Variants in ELMO2 observed in about 807,000 individuals in gnomAD.
ELMO2 encodes the protein engulfment and cell motility 2.
A neutral mutation model predicts 96.2 loss-of-function variants in ELMO2; 37 were observed. That is an observed-to-expected ratio of 0.38 (90% CI 0.30 to 0.51). The LOEUF is 0.51. Among genes scored for constraint, ELMO2 ranks in the 20% least tolerant of loss-of-function variants. The pLI is 0.88. For missense variants in ELMO2, 561 were observed against 912.6 expected, an observed-to-expected ratio of 0.61 and a Z score of 4.96; for synonymous variants, 315 against 329.4, an observed-to-expected ratio of 0.96 and a Z score of 0.47.
intron 1 of ELMO2, among the ~76,000 whole-genome samples, chr20:46,399,871 AGTTT>A (rs2060307285): frequency 6.6e-6 from 1 of 152,204 alleles, no homozygotes; most frequent in African/African-American, 2.4e-5. Context: ...ATTGTTTAAC[AGTTT>A]GTTTTGGCTG....
chr20:46,404,035 G>T (rs2060380973), intron 1 of ELMO2, among the ~76,000 whole-genome samples: 1 of 152,094 alleles, frequency 6.6e-6, no homozygotes, highest in South Asian at 2.1e-4. Flanking sequence ...AGTTAGCCGA[G>T]ATGGCACCAT....
In ELMO2 at chr20:46,375,065, A is replaced by T. The variant is rs1270438656; in HGVS notation, c.1065+171T>A. Among the ~76,000 whole-genome samples the T allele has an allele frequency of 6.6e-6, 1 of 152,104 alleles. No homozygotes were observed. Among genetic ancestry groups the T allele is most frequent in the Non-Finnish European group, 1.5e-5 (1 of 68,014 alleles). The stretch of plus-strand genomic sequence containing the variant: ...AGGGCCAAACTTTGCACATAAACTC[A>T]CAGACTCACCATCAACAAAGCAAAG... On this transcript the variant is annotated intron_variant, in intron 13 of 21. Coordinates refer to ENST00000290246, the MANE Select transcript of ELMO2 (RefSeq NM_133171.5). The surrounding 1 kb of genome is among the most constrained non-coding windows in gnomAD (Gnocchi z 4.6).
chr20:46,367,594 G>A (rs781189378), intron 21 of ELMO2, 34 bp from the exon 22 acceptor site: 50 of 1,561,734 alleles, frequency 3.2e-5, no homozygotes, highest in Admixed American at 3.7e-5. Flanking sequence ...GTCACATCGT[G>A]ACCCCTGGTC....
Position 46,371,343 on chromosome 20 carries a change from T to G in ELMO2, c.1801+9A>C. The G allele has an allele frequency of 6.2e-7, 1 of 1,613,110 alleles. No homozygotes were observed. Among genetic ancestry groups the G allele is most frequent in the South Asian group, 1.1e-5 (1 of 90,890 alleles). ...CAACCATGACACATCAACAGAGAAA[T>G]GAACCTACTTTTCTCCTGCAGGGAT... On this transcript the variant is annotated intron_variant, in intron 19 of 21. Transcript: ENST00000290246. This position sits in a 1 kb window ranked among gnomAD's most constrained non-coding sequence, Gnocchi z 5.9.
At chr20:46,405,766 C>T (rs910505478) in intron 1 of ELMO2, among the ~76,000 whole-genome samples, 3 of 152,200 alleles carry the variant, frequency 2.0e-5, no homozygotes, top group African/African-American at 7.2e-5. Context: ...CGCCCGTAAT[C>T]CCAGCTACTT....
At chr20:46,387,557 T>C (rs2060069401) in intron 7 of ELMO2, 120 bp from the exon 8 acceptor site, 3 of 676,358 alleles carry the variant, frequency 4.4e-6, no homozygotes, top group East Asian at 3.0e-5. Flanking sequence ...AATCAGTCGA[T>C]GCAACTGTAA....
intron 21 of ELMO2, among the ~76,000 whole-genome samples, chr20:46,368,288 C>A (rs1410091876): frequency 1.3e-5 from 2 of 152,068 alleles, no homozygotes; most frequent in East Asian, 3.9e-4. Context: ...CACATAGGGT[C>A]TCAAATGCAA....
chr20:46,393,256 A>C lies in ELMO2; in HGVS notation c.193-113T>G, dbSNP rs925133516. The C allele has an allele frequency of 8.1e-6, 9 of 1,108,336 alleles. No homozygotes were observed. The African/African-American group carries it at 1.2e-4, about 15-fold the overall frequency. 68.7% of individuals were successfully genotyped at this position (1,108,336 alleles called of 1,614,324 possible). A position where few individuals can be genotyped will look rare whatever the true frequency, so the allele number is the denominator to read the frequency against. ...TTTTTTACAGTAGATGTAACTGAGGATCTTCAGTCGGGCCCTCTTCTCCTG... is the reference window on the plus strand; with the variant it reads ...TTTTTTACAGTAGATGTAACTGAGGCTCTTCAGTCGGGCCCTCTTCTCCTG... On this transcript the variant is annotated intron_variant, in intron 5 of 21. Transcript: ENST00000290246.
Position 46,374,098 on chromosome 20 carries a change from GTTTTTTTTTTTTTT to G in ELMO2, c.1279+220_1279+233del, listed in dbSNP as rs60843274. 5.1e-4 allele frequency among the ~76,000 whole-genome samples: 32 copies of G among 63,050 alleles called. No homozygotes were observed. In the South Asian group the frequency reaches 6.4e-3, roughly 13 times the overall value. 41.4% of individuals were successfully genotyped at this position (63,050 alleles called of 152,430 possible). A position where few individuals can be genotyped will look rare whatever the true frequency, so the allele number is the denominator to read the frequency against. On this transcript the variant is annotated intron_variant, in intron 15 of 21. Coordinates refer to ENST00000290246, the MANE Select transcript of ELMO2 (RefSeq NM_133171.5). ...TGCACTACCAGTTGGCTAATTTTTG[GTTTTTTTTTTTTTT>G]TTTTTTTTTTTTAGAGATGGGGTCT...
chr20:46,387,628 GCTGC>G, intron 7 of ELMO2, 191 bp from the exon 8 acceptor site: 2 of 134,232 alleles, frequency 1.5e-5, no homozygotes, highest in East Asian at 1.8e-4. Flanking sequence ...GGTATCTATC[GCTGC>G]AAAAAAAAAA....
At chr20:46,399,174 C>T (rs2060296229) in intron 1 of ELMO2, among the ~76,000 whole-genome samples, 1 of 152,126 alleles carries the variant, frequency 6.6e-6, no homozygotes, top group Non-Finnish European at 1.5e-5. Context: ...GCACCTGACC[C>T]GCAGCAGGTG....
chr20:46,406,346 CCTAAGGCCCCG>C lies in ELMO2; in HGVS notation c.-126+191_-126+201del, dbSNP rs1475269587. On this transcript the variant is annotated intron_variant, in intron 1 of 21. Transcript: ENST00000290246. ...TCCAGGACCCGGTCTCTCCTCCCTT[CCTAAGGCCCCG>C]GCAGGGCCGCCACCCCTCGGGGGCC... Among the ~76,000 whole-genome samples, 3 of 152,298 alleles carry C rather than the reference CCTAAGGCCCCG, an allele frequency of 2.0e-5. No homozygotes were observed. The East Asian group carries it at 5.8e-4, about 29-fold the overall frequency.
chr20:46,398,071 C>T (rs1438460016), intron 2 of ELMO2, among the ~76,000 whole-genome samples: 4 of 152,154 alleles, frequency 2.6e-5, no homozygotes, highest in African/African-American at 9.7e-5. Flanking sequence ...ACCACAGCTG[C>T]CCCCAAGCTC....
chr20:46,387,491 A>AC, intron 7 of ELMO2, 54 bp from the exon 8 acceptor site: 1 of 1,485,110 alleles, frequency 6.7e-7, no homozygotes, highest in Non-Finnish European at 9.4e-7. Flanking sequence ...ATCGGGAAAC[A>AC]CAGGTGTGAG....
At chr20:46,405,935 G>A (rs1274513874) in intron 1 of ELMO2, among the ~76,000 whole-genome samples, 1 of 152,198 alleles carries the variant, frequency 6.6e-6, no homozygotes, top group South Asian at 2.1e-4. Flanking sequence ...GTGCAAGGCC[G>A]ACAGGAGAAG....
rs184892327 is a variant in ELMO2 at position 46,400,624 on chromosome 20, T to C, written c.-125-1853A>G. 1.2e-4 allele frequency among the ~76,000 whole-genome samples: 18 copies of C among 152,310 alleles called. No homozygotes were observed. The East Asian group carries it at 3.5e-3, about 29-fold the overall frequency. On this transcript the variant is annotated intron_variant, in intron 1 of 21. Transcript: ENST00000290246. Reference sequence around the variant, plus strand: ...CACTCCTCTTTAAGCATTACAGATATAAGGATGATTTGGAAAACTCAAAAT... The same window carrying C: ...CACTCCTCTTTAAGCATTACAGATACAAGGATGATTTGGAAAACTCAAAAT...
At position 46,394,447 on chromosome 20, in the gene ELMO2, A is replaced by G. The variant is rs2060210075; in HGVS notation, c.36T>C (p.Ile12=). 6.2e-7 allele frequency: 1 copy of G among 1,614,062 alleles called. No homozygotes were observed. The highest frequency in any genetic ancestry group is 8.5e-7 in the Non-Finnish European group (1 of 1,180,038). Residue 12 remains isoleucine (I), a synonymous_variant, in exon 3 of 22, where the codon ATT becomes ATC. Coordinates refer to ENST00000290246, the MANE Select transcript of ELMO2 (RefSeq NM_133171.5). ...GCTGGGCGTTAGCACCTGGCCACTC[A>G]ATGGCCACTTTGACAATGTCTGACG... is the stretch of plus-strand genomic sequence containing the variant. ...PPPSDIVKVA[I]EWPGANAQLL...
chr20:46,366,470 AG>A lies in ELMO2; in HGVS notation c.*889del, dbSNP rs1008498523. 3 of 152,740 alleles carry A rather than the reference AG, an allele frequency of 2.0e-5. No homozygotes were observed. Among genetic ancestry groups the A allele is most frequent in the African/African-American group, 7.2e-5 (3 of 41,466 alleles). 9.5% of individuals were successfully genotyped at this position (152,740 alleles called of 1,614,324 possible). On this transcript the variant is annotated 3_prime_UTR_variant, in exon 22 of 22. Transcript: ENST00000290246. Reference sequence around the variant, plus strand: ...GGCCAATGGCAGAAACCATAGCACTAGGAAGGGAAGGCCAACTTCCTGGGGT... The same window carrying A: ...GGCCAATGGCAGAAACCATAGCACTAGAAGGGAAGGCCAACTTCCTGGGGT...
At chr20:46,379,639 C>T (rs1168739658) in intron 11 of ELMO2, among the ~76,000 whole-genome samples, 1 of 152,178 alleles carries the variant, frequency 6.6e-6, no homozygotes, top group Non-Finnish European at 1.5e-5. Flanking sequence ...TCACACACTC[C>T]TTCTGGGTTC....
Sources: allele counts gnomAD v4.1 joint callset (sites outside exome capture counted in the v4.1 genomes callset), GRCh38; gene constraint gnomAD v4.1.1; non-coding constraint Gnocchi (gnomAD v3.1); transcripts MANE v1.5; gene names NCBI Gene and HGNC (gene_info 2026-07-23, HGNC 2026-07-21).